UBE3D: variants seen among roughly 807,000 people sequenced by gnomAD.
The protein encoded by UBE3D is E3 ubiquitin-protein ligase E3D.
UBE3D carries 48 observed loss-of-function variants against 49.6 expected under a neutral mutation model. The ratio of observed to expected loss-of-function variants is 0.97; its 90% CI spans 0.77 to 1.23. The LOEUF (loss-of-function observed/expected upper bound fraction) is 1.23. Ranked by LOEUF, UBE3D falls within the 50% of genes most tolerant of loss-of-function variation. UBE3D has a pLI of 0.00. For missense variants in UBE3D, 452 were observed against 468.4 expected (o/e 0.96, Z 0.32); for synonymous variants, 189 against 174.2 (o/e 1.08, Z -0.67).
rs1775614257 is a variant in UBE3D at position 82,949,214 on chromosome 6, A to G, written c.1149+8098T>C. Among the ~76,000 whole-genome samples, 2 of 152,074 alleles carry G rather than the reference A, an allele frequency of 1.3e-5. 1 individual carries two copies. The highest frequency in any genetic ancestry group is 4.8e-5 in the African/African-American group (2 of 41,442). ...ATAAACAAAAATCACTAGGATTTCC[A>G]TAGCCAGCAGGGAACAATTTGAAAA... On this transcript the variant is annotated intron_variant, in intron 9 of 9. Transcript: ENST00000369747.
intron 4 of UBE3D, among the ~76,000 whole-genome samples, chr6:83,042,736 T>A (rs370366627): frequency 6.6e-6 from 1 of 152,158 alleles, no homozygotes; most frequent in Non-Finnish European, 1.5e-5. Flanking sequence ...ATCAAAAAAA[T>A]GTTTCCCAAG....
At chr6:83,009,362 T>C (rs962795803) in intron 8 of UBE3D, among the ~76,000 whole-genome samples, 1 of 151,766 alleles carries the variant, frequency 6.6e-6, no homozygotes, top group African/African-American at 2.4e-5. Flanking sequence ...TGCATAAACA[T>C]TAATTGTATG....
chr6:83,005,742 C>T (rs1779932616), intron 8 of UBE3D, among the ~76,000 whole-genome samples: 1 of 151,908 alleles, frequency 6.6e-6, no homozygotes, highest in Non-Finnish European at 1.5e-5. Context: ...ACCGAAATGT[C>T]CACTGACAGA....
chr6:82,957,491 C>A, intron 8 of UBE3D, 41 bp from the exon 9 acceptor site: 1 of 1,559,940 alleles, frequency 6.4e-7, no homozygotes, highest in Non-Finnish European at 8.7e-7. Flanking sequence ...AATGCATTAT[C>A]ATAATTATTT....
At chr6:82,930,694 T>C (rs919573913) in intron 9 of UBE3D, among the ~76,000 whole-genome samples, 1 of 152,112 alleles carries the variant, frequency 6.6e-6, no homozygotes, top group Non-Finnish European at 1.5e-5. Flanking sequence ...GACTTAGAGA[T>C]CTGTGGAACT....
chr6:83,019,256 T>C (rs1464991259), intron 7 of UBE3D, 120 bp from the exon 8 acceptor site: 11 of 955,714 alleles, frequency 1.2e-5, no homozygotes, highest in South Asian at 7.2e-5. Flanking sequence ...ATGAGAATCA[T>C]GTACATAATT....
At chr6:82,995,048 A>G (rs1158082197) in intron 8 of UBE3D, among the ~76,000 whole-genome samples, 6 of 152,192 alleles carry the variant, frequency 3.9e-5, no homozygotes, top group African/African-American at 1.2e-4. Flanking sequence ...AGAAGAAGGC[A>G]GGGAGAATCC....
At chr6:83,006,660 G>A (rs1206989537) in intron 8 of UBE3D, among the ~76,000 whole-genome samples, 1 of 152,090 alleles carries the variant, frequency 6.6e-6, no homozygotes, top group African/African-American at 2.4e-5. Flanking sequence ...GTTGTTTAAG[G>A]CATCTAGTCT....
intron 8 of UBE3D, among the ~76,000 whole-genome samples, chr6:82,998,636 T>C (rs1239578133): frequency 1.3e-5 from 2 of 152,230 alleles, no homozygotes; most frequent in Non-Finnish European, 2.9e-5. Flanking sequence ...CAATAATCTT[T>C]GGTACTTAAA....
At chr6:83,012,175 G>A (rs1414280919) in intron 8 of UBE3D, among the ~76,000 whole-genome samples, 1 of 152,184 alleles carries the variant, frequency 6.6e-6, no homozygotes, top group Non-Finnish European at 1.5e-5. Context: ...TGGTGGATAA[G>A]GCATTCCGTG....
intron 9 of UBE3D, among the ~76,000 whole-genome samples, chr6:82,903,059 T>C (rs1030606526): frequency 6.6e-6 from 1 of 152,132 alleles, no homozygotes; most frequent in Non-Finnish European, 1.5e-5. Flanking sequence ...TCCATTTAAT[T>C]ATGGTGAGAG....
intron 9 of UBE3D, among the ~76,000 whole-genome samples, chr6:82,950,877 T>C (rs1482538373): frequency 6.6e-6 from 1 of 152,074 alleles, no homozygotes; most frequent in Non-Finnish European, 1.5e-5. Flanking sequence ...TTGCATGTTC[T>C]CACTTACTTG....
intron 2 of UBE3D, among the ~76,000 whole-genome samples, chr6:83,056,788 T>C (rs1783842330): frequency 2.0e-5 from 3 of 152,128 alleles, no homozygotes; most frequent in South Asian, 4.1e-4. Context: ...ATCTCCAGGA[T>C]CCACACAGCG....
At chr6:82,980,651 G>A (rs1432551524) in intron 8 of UBE3D, among the ~76,000 whole-genome samples, 1 of 151,872 alleles carries the variant, frequency 6.6e-6, no homozygotes, top group Non-Finnish European at 1.5e-5. Flanking sequence ...CTTTGCCTAG[G>A]CCAATGTCCA....
intron 8 of UBE3D, among the ~76,000 whole-genome samples, chr6:83,002,108 A>C (rs1384708442): frequency 6.6e-6 from 1 of 152,130 alleles, no homozygotes; most frequent in Non-Finnish European, 1.5e-5. Flanking sequence ...CTATTTGAAC[A>C]TGTGGATGCT....
intron 9 of UBE3D, among the ~76,000 whole-genome samples, chr6:82,900,022 G>T (rs1771613414): frequency 1.3e-5 from 2 of 152,190 alleles, no homozygotes; most frequent in South Asian, 4.1e-4. Context: ...CTCAATACAT[G>T]CACACACACT....
At chr6:83,013,212 G>A (rs1780469543) in intron 8 of UBE3D, among the ~76,000 whole-genome samples, 1 of 152,150 alleles carries the variant, frequency 6.6e-6, no homozygotes, top group Non-Finnish European at 1.5e-5. Context: ...GTCAGTTCAG[G>A]TCACATTGTG....
intron 8 of UBE3D, among the ~76,000 whole-genome samples, chr6:83,007,579 G>C (rs576549989): frequency 6.6e-6 from 1 of 152,240 alleles, no homozygotes; most frequent in South Asian, 2.1e-4. Context: ...AGAGAAGTAT[G>C]ACATAAACAT....
chr6:83,047,995 T>C (rs887620226), intron 3 of UBE3D, among the ~76,000 whole-genome samples: 1 of 133,764 alleles, frequency 7.5e-6, no homozygotes, highest in Admixed American at 9.1e-5. Context: ...GGCAGGAGAA[T>C]GGCCTGAACC....
Sources: allele counts gnomAD v4.1 joint callset (sites outside exome capture counted in the v4.1 genomes callset), GRCh38; gene constraint gnomAD v4.1.1; transcripts MANE v1.5; gene names NCBI Gene and HGNC (gene_info 2026-07-23, HGNC 2026-07-21).